Variants in ITFG1 observed in about 807,000 individuals in gnomAD.
ITFG1 encodes the protein integrin alpha FG-GAP repeat containing 1.
In ITFG1, 34 loss-of-function variants were observed where a neutral mutation model predicts 81.8. The observed-to-expected ratio is 0.42, with a 90% confidence interval of 0.32 to 0.55. The LOEUF (loss-of-function observed/expected upper bound fraction) is 0.55. Ranked by LOEUF, ITFG1 falls within the 20% of genes least tolerant of loss-of-function variation. The pLI, the probability that ITFG1 is intolerant of heterozygous loss-of-function variation, is 0.17. For synonymous variants in ITFG1, 285 were observed against 270.6 expected (o/e 1.05, Z -0.52); for missense variants, 672 against 755.4 (o/e 0.89, Z 1.29).
chr16:47,402,778 GTGTCAAATATC>G (rs1373705675), intron 6 of ITFG1, among the ~76,000 whole-genome samples: 3 of 152,208 alleles, frequency 2.0e-5, no homozygotes, highest in African/African-American at 7.2e-5. Context: ...ATATAAATGT[GTGTCAAATATC>G]TTTGCATAGG....
intron 8 of ITFG1, among the ~76,000 whole-genome samples, chr16:47,352,739 C>G (rs1432629166): frequency 6.6e-6 from 1 of 152,138 alleles, no homozygotes; most frequent in Non-Finnish European, 1.5e-5. Context: ...AATCATGCTG[C>G]TATAAAGACA....
intron 12 of ITFG1, among the ~76,000 whole-genome samples, chr16:47,244,109 T>C (rs1389456206): frequency 1.3e-5 from 2 of 152,242 alleles, no homozygotes; most frequent in African/African-American, 2.4e-5. Context: ...ACATCCTGTA[T>C]GATTTCATTT....
intron 10 of ITFG1, among the ~76,000 whole-genome samples, chr16:47,309,984 T>C (rs552164445): frequency 4.6e-4 from 70 of 152,352 alleles, no homozygotes; most frequent in Non-Finnish European, 7.1e-4. Context: ...GCCACTATGC[T>C]TTTAAAAAGA....
intron 14 of ITFG1, among the ~76,000 whole-genome samples, chr16:47,180,352 G>GCCCTCTCCCTCTCCCTCC (rs1567415387): frequency 1.3e-5 from 2 of 151,512 alleles, no homozygotes; most frequent in African/African-American, 4.9e-5. Flanking sequence ...TGGTATTATT[G>GCCCTCTCCCTCTCCCTCC]CCCTCTCCCT....
At chr16:47,308,266 A>C (rs192532026) in intron 10 of ITFG1, among the ~76,000 whole-genome samples, 1 of 152,200 alleles carries the variant, frequency 6.6e-6, no homozygotes, top group Admixed American at 6.5e-5. Context: ...CTAACAGTGT[A>C]TAAGTGTTCC....
At position 47,158,973 on chromosome 16, in the gene ITFG1, T is replaced by C. The variant is rs1555501244; in HGVS notation, c.1679A>G (p.Tyr560Cys). Residue 560 changes from tyrosine to cysteine, a missense_variant, in exon 17 of 18, where the codon TAT becomes TGT. Around this residue, in one of 3 missense-constraint regions of ITFG1, gnomAD observed 65 missense variants for 103.3 expected, o/e 0.63. Coordinates refer to ENST00000320640, the MANE Select transcript of ITFG1 (RefSeq NM_030790.5). ...NVPRSWSAKL[Y>C]LTPSNIVLLT... ...CAGAACAATATTACTTGGTGTAAGA[T>C]ACAGTTTGGCACTCCAACTGTAGAT... 6 of 1,552,622 alleles carry C rather than the reference T, an allele frequency of 3.9e-6. No homozygotes were observed. Among genetic ancestry groups the C allele is most frequent in the Admixed American group, 3.8e-5 (2 of 52,044 alleles).
intron 10 of ITFG1, among the ~76,000 whole-genome samples, chr16:47,278,554 G>A (rs1464962578): frequency 1.3e-5 from 2 of 152,138 alleles, no homozygotes; most frequent in African/African-American, 4.8e-5. Flanking sequence ...AGGCCGACTT[G>A]TTTCTGCTCT....
intron 10 of ITFG1, among the ~76,000 whole-genome samples, chr16:47,300,325 T>C (rs957447693): frequency 6.6e-6 from 1 of 152,212 alleles, no homozygotes; most frequent in Admixed American, 6.5e-5. Context: ...ATTTTGCTCT[T>C]TGAAGTATGA....
intron 11 of ITFG1, 90 bp downstream of exon 11, chr16:47,260,455 C>T (rs1966196055): frequency 1.5e-6 from 2 of 1,376,358 alleles, no homozygotes; most frequent in Admixed American, 3.9e-5. Context: ...GTTGTGTTGT[C>T]CACATTTTCT....
rs74019132 is a variant in ITFG1, at chr16:47,219,697, T to C, written c.1375-751A>G. Among the ~76,000 whole-genome samples the C allele has an allele frequency of 7.3e-3, 1,106 of 152,298 alleles. 14 individuals carry two copies. Among genetic ancestry groups the C allele is most frequent in the African/African-American group, 0.025 (1,030 of 41,582 alleles). On this transcript the variant is annotated intron_variant, in intron 13 of 17. Coordinates refer to ENST00000320640, the MANE Select transcript of ITFG1 (RefSeq NM_030790.5). Reference sequence around the variant, plus strand: ...ATCTTCCCAGAAAAGTATAGAAAAGTTAATAATGACATTTAGATAGGCTAC... The same window carrying C: ...ATCTTCCCAGAAAAGTATAGAAAAGCTAATAATGACATTTAGATAGGCTAC...
intron 12 of ITFG1, among the ~76,000 whole-genome samples, chr16:47,252,914 G>A (rs532747185): frequency 6.6e-6 from 1 of 152,216 alleles, no homozygotes; most frequent in African/African-American, 2.4e-5. Flanking sequence ...AAAACAACTA[G>A]AAGGTTATTT....
At chr16:47,296,476 C>A (rs918320430) in intron 10 of ITFG1, among the ~76,000 whole-genome samples, 2 of 152,150 alleles carry the variant, frequency 1.3e-5, no homozygotes, top group Non-Finnish European at 2.9e-5. Context: ...GGCTCTGTCG[C>A]CCAGGCTGGA....
At chr16:47,191,771 T>C (rs1965296434) in intron 14 of ITFG1, among the ~76,000 whole-genome samples, 1 of 152,188 alleles carries the variant, frequency 6.6e-6, no homozygotes, top group Non-Finnish European at 1.5e-5. Context: ...CACTTTGGCC[T>C]GCCCAAGTGC....
At chr16:47,438,253 G>T (rs920801882) in intron 5 of ITFG1, among the ~76,000 whole-genome samples, 5 of 152,210 alleles carry the variant, frequency 3.3e-5, no homozygotes, top group South Asian at 2.1e-4. Context: ...AGGCTCCACC[G>T]CTGGGGGCAG....
intron 8 of ITFG1, among the ~76,000 whole-genome samples, chr16:47,346,087 TG>T (rs1438881282): frequency 3.3e-5 from 5 of 152,200 alleles, no homozygotes; most frequent in African/African-American, 1.2e-4. Flanking sequence ...CTGGTACACA[TG>T]GAACATTCTC....
At chr16:47,194,867 T>C (rs1037341398) in intron 14 of ITFG1, among the ~76,000 whole-genome samples, 8 of 151,880 alleles carry the variant, frequency 5.3e-5, no homozygotes, top group Non-Finnish European at 7.4e-5. Context: ...TCTAATGCTC[T>C]CCCTCCCCTT....
chr16:47,186,190 A>C (rs1463599991), intron 14 of ITFG1, among the ~76,000 whole-genome samples: 1 of 152,196 alleles, frequency 6.6e-6, no homozygotes, highest in Non-Finnish European at 1.5e-5. Context: ...TACAAGGAGG[A>C]ACTGGTACCA....
intron 13 of ITFG1, among the ~76,000 whole-genome samples, chr16:47,232,249 C>T (rs1475209041): frequency 1.3e-5 from 2 of 152,190 alleles, no homozygotes; most frequent in African/African-American, 2.4e-5. Flanking sequence ...TGATAGGAAA[C>T]TTACATAGGT....
chr16:47,220,798 C>A (rs140284170), intron 13 of ITFG1, among the ~76,000 whole-genome samples: 2 of 151,968 alleles, frequency 1.3e-5, no homozygotes, highest in African/African-American at 4.8e-5. Flanking sequence ...AGTGTAGAAT[C>A]ACTTCTGGAA....
Sources: gnomAD v4.1 joint callset for allele counts (sites outside exome capture counted in the v4.1 genomes callset) on GRCh38, gnomAD v4.1.1 for gene constraint, gnomAD v4.1.1 regional missense constraint, MANE v1.5 for transcripts, NCBI Gene and HGNC (gene_info 2026-07-23, HGNC 2026-07-21) for gene names.